SDK1: variants seen among roughly 807,000 people sequenced by gnomAD.
SDK1 encodes the protein sidekick cell adhesion molecule 1.
In SDK1, 157 loss-of-function variants were observed where a neutral mutation model predicts 245.5. The ratio of observed to expected loss-of-function variants is 0.64; its 90% confidence interval spans 0.56 to 0.73. The LOEUF is 0.73. Ranked by LOEUF, SDK1 falls within the 30% of genes least tolerant of loss-of-function variation. The pLI, the probability that SDK1 is intolerant of heterozygous loss-of-function variation, is 0.00. For missense variants in SDK1, 3,583 were observed against 3,002.3 expected, an observed-to-expected ratio of 1.19 and a Z score of -4.52; for synonymous variants, 1,647 against 1,278.5, an observed-to-expected ratio of 1.29 and a Z score of -6.15.
At chr7:3,503,129 C>T (rs1414407645) in intron 1 of SDK1, among the ~76,000 whole-genome samples, 1 of 152,084 alleles carries the variant, frequency 6.6e-6, no homozygotes, top group Non-Finnish European at 1.5e-5. Context: ...ATCTTGTCCT[C>T]CTCTGCAAAT....
intron 1 of SDK1, among the ~76,000 whole-genome samples, chr7:3,601,288 T>C (rs1475094897): frequency 6.6e-6 from 1 of 152,206 alleles, no homozygotes; most frequent in Admixed American, 6.5e-5. Context: ...ATTATGTACA[T>C]TGGTGTTGAT....
intron 1 of SDK1, among the ~76,000 whole-genome samples, chr7:3,599,751 G>T (rs1781195577): frequency 6.6e-6 from 1 of 152,164 alleles, no homozygotes; most frequent in Admixed American, 6.5e-5. Context: ...TTTCTCAAAA[G>T]TCAGTTGGCT....
chr7:3,829,603 A>C (rs536104882), intron 5 of SDK1, among the ~76,000 whole-genome samples: 5 of 152,312 alleles, frequency 3.3e-5, no homozygotes, highest in African/African-American at 1.2e-4. Flanking sequence ...AAAGCAGAAC[A>C]ACATATACCA....
At chr7:3,495,221 T>C (rs1364075861) in intron 1 of SDK1, among the ~76,000 whole-genome samples, 2 of 151,876 alleles carry the variant, frequency 1.3e-5, no homozygotes, top group African/African-American at 4.8e-5. Context: ...GCGAGGCCCC[T>C]TTCTGTTCTG....
intron 5 of SDK1, among the ~76,000 whole-genome samples, chr7:3,880,884 A>G (rs1353455220): frequency 6.6e-6 from 1 of 151,974 alleles, no homozygotes; most frequent in Non-Finnish European, 1.5e-5. Flanking sequence ...TGGGTCACTT[A>G]CCCTGGTGAA....
At chr7:3,773,824 C>T (rs1380276139) in intron 4 of SDK1, among the ~76,000 whole-genome samples, 1 of 152,174 alleles carries the variant, frequency 6.6e-6, no homozygotes, top group African/African-American at 2.4e-5. Flanking sequence ...ACAGGCACTT[C>T]CTAATTTTCC....
At chr7:4,076,246 C>G (rs1780670402) in intron 20 of SDK1, among the ~76,000 whole-genome samples, 2 of 152,120 alleles carry the variant, frequency 1.3e-5, no homozygotes, top group South Asian at 4.1e-4. Context: ...ATTTAAGGTA[C>G]AAAAAATATC....
At position 3,704,639 on chromosome 7, in the gene SDK1, G is replaced by T. The variant is rs188346591; in HGVS notation, c.713+62534G>T. Among the ~76,000 whole-genome samples, 14 of 152,204 alleles carry T rather than the reference G, an allele frequency of 9.2e-5. 1 individual carries two copies. In the East Asian group the frequency reaches 2.7e-3, roughly 29 times the overall value. ...AATACTTTCCCCCATTCTGTAGGTT[G>T]TCTGTTTACTCTTGATGATTGTTTC... On this transcript the variant is annotated intron_variant, in intron 4 of 44. Transcript: ENST00000404826.
intron 22 of SDK1, among the ~76,000 whole-genome samples, chr7:4,093,492 T>A (rs1412322724): frequency 6.6e-6 from 1 of 150,618 alleles, no homozygotes; most frequent in East Asian, 2.0e-4. Flanking sequence ...AAGTCCCACT[T>A]AGTGCTTATT....
intron 1 of SDK1, among the ~76,000 whole-genome samples, chr7:3,563,484 A>T (rs535490663): frequency 6.6e-6 from 1 of 152,224 alleles, no homozygotes; most frequent in Admixed American, 6.5e-5. Flanking sequence ...GGAATGCTAT[A>T]TATTGATAAA....
intron 4 of SDK1, among the ~76,000 whole-genome samples, chr7:3,786,678 C>T (rs939806969): frequency 2.0e-5 from 3 of 152,112 alleles, no homozygotes; most frequent in South Asian, 2.1e-4. Context: ...ACAGTGAGTA[C>T]GTTCTCTGGT....
chr7:3,885,957 A>C (rs906946879), intron 5 of SDK1, among the ~76,000 whole-genome samples: 1 of 152,214 alleles, frequency 6.6e-6, no homozygotes, highest in African/African-American at 2.4e-5. Context: ...GGATGGTCTC[A>C]GAGGCATCCC....
At chr7:3,918,043 G>A (rs1274289846) in intron 5 of SDK1, among the ~76,000 whole-genome samples, 1 of 152,150 alleles carries the variant, frequency 6.6e-6, no homozygotes, top group Non-Finnish European at 1.5e-5. Context: ...TTTTGTTGGA[G>A]TCCCCTTCTA....
intron 44 of SDK1, among the ~76,000 whole-genome samples, chr7:4,251,745 A>G (rs900996549): frequency 1.1e-4 from 17 of 152,268 alleles, no homozygotes; most frequent in African/African-American, 4.1e-4. Context: ...CCAGATGCCA[A>G]CCAAGGGTAA....
At chr7:3,306,830 C>G (rs544662433) in intron 1 of SDK1, among the ~76,000 whole-genome samples, 1 of 152,098 alleles carries the variant, frequency 6.6e-6, no homozygotes, top group African/African-American at 2.4e-5. Context: ...GCCTGCCTTA[C>G]GGTGTCCCAG....
intron 35 of SDK1, among the ~76,000 whole-genome samples, chr7:4,194,766 G>C (rs1783483586): frequency 6.6e-6 from 1 of 152,224 alleles, no homozygotes; most frequent in African/African-American, 2.4e-5. Flanking sequence ...GCTTTTCCCA[G>C]CCCACTGAGT....
chr7:4,204,149 C>G (rs1383574024), intron 35 of SDK1, among the ~76,000 whole-genome samples: 1 of 152,256 alleles, frequency 6.6e-6, no homozygotes, highest in African/African-American at 2.4e-5. Context: ...AATGGCCGCG[C>G]TCAATTTTGC....
chr7:4,120,375 G>A (rs1363482024), intron 25 of SDK1, among the ~76,000 whole-genome samples: 1 of 148,670 alleles, frequency 6.7e-6, no homozygotes, highest in African/African-American at 2.5e-5. Flanking sequence ...CAATTGGAGT[G>A]AAAGGCAAAT....
intron 1 of SDK1, among the ~76,000 whole-genome samples, chr7:3,533,632 G>A (rs1322585604): frequency 1.3e-5 from 2 of 152,074 alleles, no homozygotes; most frequent in Admixed American, 1.3e-4. Context: ...GTTCTGAGAA[G>A]TTTTTTTGGT....
Sources: gnomAD v4.1 joint callset for allele counts (sites outside exome capture counted in the v4.1 genomes callset) on GRCh38, gnomAD v4.1.1 for gene constraint, MANE v1.5 for transcripts, NCBI Gene and HGNC (gene_info 2026-07-23, HGNC 2026-07-21) for gene names.